The following NDRG1 variants were observed in gnomAD, a reference collection of about 807,000 sequenced individuals.
NDRG1 encodes N-myc downstream regulated 1.
A neutral mutation model predicts 56.9 loss-of-function variants in NDRG1; 32 were observed. The ratio of observed to expected loss-of-function variants is 0.56; its 90% confidence interval spans 0.42 to 0.76. The LOEUF (loss-of-function observed/expected upper bound fraction) is 0.76. Among genes scored for constraint, NDRG1 ranks in the 30% least tolerant of loss-of-function variants. The pLI, the probability that NDRG1 is intolerant of heterozygous loss-of-function variation, is 0.00. For missense variants in NDRG1, 507 were observed against 545.7 expected (o/e 0.93, Z 0.71); for synonymous variants, 211 against 204.1 (o/e 1.03, Z -0.29).
At chr8:133,259,078 T>A in intron 6 of NDRG1, 90 bp downstream of exon 6, 1 of 1,352,986 alleles carries the variant, frequency 7.4e-7, no homozygotes, top group Non-Finnish European at 1.1e-6. Context: ...TTAATTTTAG[T>A]GGTCAGTCCA....
At chr8:133,258,484 G>T in intron 6 of NDRG1, 58 bp from the exon 7 acceptor site, 2 of 1,555,358 alleles carry the variant, frequency 1.3e-6, no homozygotes, top group Non-Finnish European at 1.8e-6. Context: ...GAGCCTCCAA[G>T]GACCCACTTA....
chr8:133,278,955 G>A (rs977362305), intron 3 of NDRG1, among the ~76,000 whole-genome samples: 114 of 150,176 alleles, frequency 7.6e-4, no homozygotes, highest in Non-Finnish European at 7.7e-4. Flanking sequence ...CAACGACGTG[G>A]TCTCAGCTCA....
intron 3 of NDRG1, among the ~76,000 whole-genome samples, chr8:133,267,227 C>T (rs532549097): frequency 1.3e-5 from 2 of 152,260 alleles, no homozygotes; most frequent in Non-Finnish European, 2.9e-5. Context: ...TTCTCAATTG[C>T]CACTTCACTC....
At chr8:133,258,289 T>C (rs1586438017) in intron 7 of NDRG1, 77 bp downstream of exon 7, 1 of 1,476,278 alleles carries the variant, frequency 6.8e-7, no homozygotes, top group Non-Finnish European at 9.3e-7. Context: ...TTTGGGTTTT[T>C]GATGCTTTTC....
At chr8:133,296,406 G>A in intron 1 of NDRG1, 1 of 443,818 alleles carries the variant, frequency 2.3e-6, no homozygotes, top group East Asian at 7.6e-5. Context: ...CTCCGGGGGC[G>A]CACCCTGCCC....
rs1305208090 is a variant in NDRG1 at position 133,238,703 on chromosome 8, A to G, written c.*175T>C. ...TGGTCCACCGCCACCCCGCCTTTGG[A>G]GAGGGCACCCACGTAATAGACCTCA... On this transcript the variant is annotated 3_prime_UTR_variant, in exon 16 of 16. Coordinates refer to ENST00000323851, the MANE Select transcript of NDRG1 (RefSeq NM_006096.4). 10 of 771,586 alleles carry G rather than the reference A, an allele frequency of 1.3e-5. No individual in the cohort carries two copies. The highest frequency in any genetic ancestry group is 2.0e-5 in the Non-Finnish European group (10 of 497,956). The allele number at this position is 771,586 out of a possible 1,614,324, so 47.8% of individuals were successfully genotyped here.
At chr8:133,254,461 C>CA in intron 9 of NDRG1, 78 bp downstream of exon 9, 1 of 1,509,218 alleles carries the variant, frequency 6.6e-7, no homozygotes, top group Non-Finnish European at 9.2e-7. Context: ...TCTCCACCCC[C>CA]ACATGGGGCC....
chr8:133,270,148 G>A (rs986636223), intron 3 of NDRG1, among the ~76,000 whole-genome samples: 8 of 152,234 alleles, frequency 5.3e-5, no homozygotes, highest in Admixed American at 3.9e-4. Context: ...AGTCTGGCCC[G>A]GAGGGTACAC....
intron 3 of NDRG1, among the ~76,000 whole-genome samples, chr8:133,276,653 G>GCCTGCCGCCTT (rs1857470607): frequency 6.6e-6 from 1 of 152,190 alleles, no homozygotes; most frequent in South Asian, 2.1e-4. Context: ...ACACACTCTT[G>GCCTGCCGCCTT]CCTGCCGCCA....
intron 3 of NDRG1, among the ~76,000 whole-genome samples, chr8:133,279,107 C>T (rs1167574662): frequency 1.3e-5 from 2 of 152,168 alleles, no homozygotes; most frequent in Non-Finnish European, 2.9e-5. Context: ...CCAGGCTGGC[C>T]TCGAGCTCCT....
At chr8:133,262,687 C>T (rs978114282) in intron 4 of NDRG1, among the ~76,000 whole-genome samples, 5 of 152,236 alleles carry the variant, frequency 3.3e-5, no homozygotes, top group Non-Finnish European at 7.3e-5. Context: ...ACCCTACCTC[C>T]TGTCCCTTTT....
chr8:133,297,036 G>C (rs1279252532), intron 1 of NDRG1, 98 bp downstream of exon 1: 1 of 155,182 alleles, frequency 6.4e-6, no homozygotes. Flanking sequence ...CCTGGAGTAC[G>C]CGGGGCTACA....
intron 3 of NDRG1, among the ~76,000 whole-genome samples, chr8:133,275,517 T>A (rs1857409086): frequency 6.6e-6 from 1 of 152,106 alleles, no homozygotes; most frequent in Admixed American, 6.5e-5. Flanking sequence ...CGTGACTGGC[T>A]CTATCTATCT....
chr8:133,290,925 G>T lies in NDRG1; in HGVS notation c.-19+6209C>A, dbSNP rs28522348. The stretch of plus-strand genomic sequence containing the variant: ...TGGGTATTATACCCAGTTCACAAAT[G>T]GGTAACCTGAGGCTCAAAAACAAAC... On this transcript the variant is annotated intron_variant, in intron 1 of 15. Transcript: ENST00000323851. Among the ~76,000 whole-genome samples, 655 of 152,278 alleles carry T rather than the reference G, an allele frequency of 4.3e-3. 1 individual carries two copies. Among genetic ancestry groups the T allele is most frequent in the African/African-American group, 0.015 (612 of 41,570 alleles).
At chr8:133,248,802 G>A (rs1855845766) in intron 10 of NDRG1, 31 bp from the exon 11 acceptor site, 2 of 1,613,498 alleles carry the variant, frequency 1.2e-6, no homozygotes, top group Non-Finnish European at 1.7e-6. Context: ...ATTAGCATGA[G>A]GACCCCTCCC....
chr8:133,254,376 T>C lies in NDRG1; in HGVS notation c.594+163A>G, dbSNP rs535991945. 1.7e-4 allele frequency among the ~76,000 whole-genome samples: 26 copies of C among 152,366 alleles called. No homozygotes were observed. In the East Asian group the frequency reaches 4.6e-3, roughly 27 times the overall value. Reference sequence around the variant, plus strand: ...AAAAAGAGAGAGAATGAATGACTTGTTGCTTATGAATGAATAATGTCACAT... The same window carrying C: ...AAAAAGAGAGAGAATGAATGACTTGCTGCTTATGAATGAATAATGTCACAT... On this transcript the variant is annotated intron_variant, in intron 9 of 15. Transcript: ENST00000323851.
intron 5 of NDRG1, 51 bp downstream of exon 5, chr8:133,261,996 C>G: frequency 6.5e-7 from 1 of 1,540,480 alleles, no homozygotes; most frequent in Middle Eastern, 1.8e-4. Flanking sequence ...GAACCCCTCC[C>G]CGACACCCAG....
At position 133,259,219 on chromosome 8, in the gene NDRG1, G is replaced by A; in HGVS notation, c.338C>T (p.Pro113Leu). Residue 113 changes from proline (P) to leucine (L), a missense_variant, in exon 6 of 16, where the codon CCC becomes CTC. Transcript: ENST00000323851. The stretch of plus-strand genomic sequence containing the variant: ...CATTTCAGCCAGCTGATCCATGGAG[G>A]GGTACATGTACCTGGGGATGACACA... Reference protein sequence around the residue: ...AASFPAGYMYPSMDQLAEMLP... With the variant: ...AASFPAGYMYLSMDQLAEMLP... 1 of 1,614,150 alleles carries A rather than the reference G, an allele frequency of 6.2e-7. No homozygotes were observed. The highest frequency in any genetic ancestry group is 1.7e-4 in the Middle Eastern group (1 of 6,060).
chr8:133,248,666 TA>T, intron 11 of NDRG1, 48 bp downstream of exon 11: 1 of 1,608,622 alleles, frequency 6.2e-7, no homozygotes, highest in African/African-American at 1.3e-5. Flanking sequence ...GCCACCTTTA[TA>T]GTGGGCAGCC....
Sources: allele counts gnomAD v4.1 joint callset (sites outside exome capture counted in the v4.1 genomes callset), GRCh38; gene constraint gnomAD v4.1.1; transcripts MANE v1.5; gene names NCBI Gene and HGNC (gene_info 2026-07-23, HGNC 2026-07-21).